The following EXOC3 variants were observed in gnomAD, a reference collection of about 807,000 sequenced individuals.
The protein encoded by EXOC3 is SEC6-like 1.
In EXOC3, 21 loss-of-function variants were observed where a neutral mutation model predicts 73.7. That is an observed-to-expected ratio of 0.29 (90% CI 0.20 to 0.41). EXOC3 has a LOEUF of 0.41. Ranked by LOEUF, EXOC3 falls within the 10% of genes least tolerant of loss-of-function variation. The pLI is 1.00. For missense variants in EXOC3, 842 were observed against 985.1 expected (o/e 0.85, Z 1.95); for synonymous variants, 410 against 389.1 (o/e 1.05, Z -0.63).
In EXOC3 at chr5:453,431, C is replaced by T. The variant is rs1737711118; in HGVS notation, c.426C>T (p.His142=). 6.2e-7 allele frequency: 1 copy of T among 1,607,638 alleles called. No individual in the cohort carries two copies. The highest frequency in any genetic ancestry group is 1.3e-5 in the African/African-American group (1 of 74,770). ...LIEQGALLQA[H]RKLMDLECSR... is the part of the protein sequence containing the mutation. ...AACAAGGGGCACTCCTGCAAGCCCACCGGAAGCTGATGGACCTGGAGTGCT... is the reference window on the plus strand; with the variant it reads ...AACAAGGGGCACTCCTGCAAGCCCATCGGAAGCTGATGGACCTGGAGTGCT... Residue 142 remains histidine (H), a synonymous_variant, in exon 4 of 13, where the codon CAC becomes CAT. Coordinates refer to ENST00000512944, the MANE Select transcript of EXOC3 (RefSeq NM_007277.5).
intron 9 of EXOC3, 168 bp downstream of exon 9, chr5:462,475 C>CGCTGCTTCGTATGAT: frequency 1.5e-6 from 1 of 662,880 alleles, no homozygotes; most frequent in East Asian, 2.6e-5. Context: ...TTTTCGGTGA[C>CGCTGCTTCGTATGAT]GCTGCTTCGT....
At chr5:461,638 G>T in intron 7 of EXOC3, 1 of 293,344 alleles carries the variant, frequency 3.4e-6, no homozygotes, top group African/African-American at 2.2e-5. Flanking sequence ...GACAAGGTCT[G>T]ATTAGGTTAC....
Position 465,805 on chromosome 5 carries a change from C to T in EXOC3, c.2026C>T (p.Leu676=), listed in dbSNP as rs745498346. 4 of 1,613,178 alleles carry T rather than the reference C, an allele frequency of 2.5e-6. No individual in the cohort carries two copies. The South Asian group carries it at 3.3e-5, about 13-fold the overall frequency. ...GCTGACAGACCCTTCTCTGCTCTAC[C>T]TGGAGGTCTCCACTCTGGTCAGCAA... ...IKLTDPSLLY[L]EVSTLVSKYP... is the part of the protein sequence containing the mutation. The change falls in exon 12 of 13, where the codon CTG becomes TTG. Residue 676 remains leucine (L), a synonymous_variant. Transcript: ENST00000512944.
At position 443,229 on chromosome 5, in the gene EXOC3, GGGCGGC is replaced by G. The variant is rs11274307; in HGVS notation, c.-74_-69del. On this transcript the variant is annotated 5_prime_UTR_variant, in exon 1 of 13. Transcript: ENST00000512944. ...GCAGCGAAGGCGGAGGGGGCGGCGG[GGGCGGC>G]GGCGGCGGCGGCGGCGGCGGCGGCG... The G allele has an allele frequency of 3.8e-3, 525 of 139,238 alleles. 8 individuals are homozygous for G. The highest frequency in any genetic ancestry group is 0.013 in the East Asian group (65 of 5,072). The allele number at this position is 139,238 out of a possible 1,614,324, so 8.6% of individuals were successfully genotyped here. A position where few individuals can be genotyped will look rare whatever the true frequency, so the allele number is the denominator to read the frequency against.
chr5:457,568 TGACCG>T (rs1737859480), intron 5 of EXOC3: 1 of 275,742 alleles, frequency 3.6e-6, no homozygotes, highest in East Asian at 9.0e-5. Flanking sequence ...GGAACAGGCC[TGACCG>T]GACCTGGTCG....
chr5:466,455 T>C (rs1256635688), intron 12 of EXOC3: 2 of 448,132 alleles, frequency 4.5e-6, no homozygotes, highest in Non-Finnish European at 8.0e-6. Flanking sequence ...AAACGGGGTC[T>C]TGAGCTCTCC....
At chr5:450,433 T>A (rs1328109194) in intron 3 of EXOC3, among the ~76,000 whole-genome samples, 1 of 152,242 alleles carries the variant, frequency 6.6e-6, no homozygotes, top group Non-Finnish European at 1.5e-5. Context: ...TTTAAAAACC[T>A]GAGTCTTAAT....
intron 5 of EXOC3, 86 bp downstream of exon 5, chr5:457,092 G>C (rs529125991): frequency 1.1e-6 from 1 of 919,374 alleles, no homozygotes. Flanking sequence ...AGGCAGGGGG[G>C]AAATGCCTTA....
chr5:443,228 G>GC lies in EXOC3; in HGVS notation c.-119_-118insC, dbSNP rs1187599307. 3 of 87,826 alleles carry GC rather than the reference G, an allele frequency of 3.4e-5. No homozygotes were observed. Among genetic ancestry groups the GC allele is most frequent in the East Asian group, 2.2e-4 (1 of 4,554 alleles). The allele number at this position is 87,826 out of a possible 1,614,324, so 5.4% of individuals were successfully genotyped here. A position where few individuals can be genotyped will look rare whatever the true frequency, so the allele number is the denominator to read the frequency against. ...GGCAGCGAAGGCGGAGGGGGCGGCG[G>GC]GGGCGGCGGCGGCGGCGGCGGCGGC... On this transcript the variant is annotated 5_prime_UTR_variant, in exon 1 of 13. Transcript: ENST00000512944.
intron 1 of EXOC3, 90 bp from the exon 2 acceptor site, chr5:446,060 G>A: frequency 9.4e-6 from 8 of 847,900 alleles, no homozygotes; most frequent in Non-Finnish European, 1.5e-5. Context: ...AATGATCTCA[G>A]AGGCTCTGCT....
At chr5:455,478 A>G (rs1737783361) in intron 4 of EXOC3, among the ~76,000 whole-genome samples, 1 of 152,212 alleles carries the variant, frequency 6.6e-6, no homozygotes, top group African/African-American at 2.4e-5. Context: ...AGTCTTTTAA[A>G]ATGTGCAGAA....
rs1228484269 is a variant in EXOC3 at position 464,285 on chromosome 5, T to C, written c.1654-5T>C. ...TGATTTCTATGATCTGTTTCTGCTT[T>C]TCAGCAACATCTGAATGAATTGATG... On this transcript the variant is annotated splice_polypyrimidine_tract_variant and splice_region_variant and intron_variant, in intron 9 of 12. Coordinates refer to ENST00000512944, the MANE Select transcript of EXOC3 (RefSeq NM_007277.5). The C allele has an allele frequency of 6.2e-7, 1 of 1,612,898 alleles. No homozygotes were observed. The highest frequency in any genetic ancestry group is 8.5e-7 in the Non-Finnish European group (1 of 1,179,094).
chr5:454,868 A>ATTTTTTT (rs370854107), intron 4 of EXOC3, among the ~76,000 whole-genome samples: 1 of 110,792 alleles, frequency 9.0e-6, no homozygotes. Flanking sequence ...AATAAACCTC[A>ATTTTTTT]TTTTTTTTTT....
At chr5:466,043 A>G (rs1738138458) in intron 12 of EXOC3, 198 bp downstream of exon 12, 1 of 484,810 alleles carries the variant, frequency 2.1e-6, no homozygotes, top group African/African-American at 1.9e-5. Context: ...GGCCTGGGCT[A>G]CAGTGTGGGT....
chr5:458,061 C>T (rs1484437495), intron 6 of EXOC3, 36 bp downstream of exon 6: 7 of 1,602,512 alleles, frequency 4.4e-6, no homozygotes, highest in Non-Finnish European at 6.0e-6. Flanking sequence ...GTTCCGTTTC[C>T]TAGGTGGATA....
At position 447,595 on chromosome 5, in the gene EXOC3, G is replaced by T; in HGVS notation, c.207G>T (p.Leu69=). Residue 69 remains leucine, a synonymous_variant, in exon 3 of 13, where the codon CTG becomes CTT. Transcript: ENST00000512944. ...RTGLSQLHNA[L]NDVKDIQQSL... is the part of the protein sequence containing the mutation. ...GCCTCAGCCAGCTCCACAACGCCCT[G>T]AATGACGTCAAAGACATCCAGCAGT... The T allele has an allele frequency of 6.3e-7, 1 of 1,591,124 alleles. No individual in the cohort carries two copies. The highest frequency in any genetic ancestry group is 2.3e-5 in the East Asian group (1 of 43,370).
At chr5:458,420 T>C (rs1737886339) in intron 6 of EXOC3, among the ~76,000 whole-genome samples, 1 of 152,254 alleles carries the variant, frequency 6.6e-6, no homozygotes. Flanking sequence ...ATTATTTTTT[T>C]TGAGACGGAG....
At position 454,845 on chromosome 5, in the gene EXOC3, A is replaced by G. The variant is rs561207927; in HGVS notation, c.1046+794A>G. ...TTTCTTCCGCCCATCTTGTCACTGC[A>G]GTGGAGAAATTGAATAAACCTCATT... On this transcript the variant is annotated intron_variant, in intron 4 of 12. Transcript: ENST00000512944. Among the ~76,000 whole-genome samples, 12 of 146,582 alleles carry G rather than the reference A, an allele frequency of 8.2e-5. No individual in the cohort carries two copies. In the South Asian group the frequency reaches 2.1e-3, roughly 26 times the overall value.
chr5:455,565 G>T (rs1444900801), intron 4 of EXOC3, among the ~76,000 whole-genome samples: 1 of 152,140 alleles, frequency 6.6e-6, no homozygotes, highest in Non-Finnish European at 1.5e-5. Flanking sequence ...TTTATTCAGT[G>T]TTACTCTGAG....
Sources: allele counts gnomAD v4.1 joint callset (sites outside exome capture counted in the v4.1 genomes callset), GRCh38; gene constraint gnomAD v4.1.1; transcripts MANE v1.5; gene names NCBI Gene and HGNC (gene_info 2026-07-23, HGNC 2026-07-21).